The following TMC5 variants were observed in gnomAD, a reference collection of about 807,000 sequenced individuals.
TMC5 encodes transmembrane channel like 5, also known as transmembrane channel-like protein 5.
In TMC5, 86 loss-of-function variants were observed where a neutral mutation model predicts 110.5. The observed-to-expected ratio is 0.78, with a 90% confidence interval of 0.65 to 0.93. The LOEUF (loss-of-function observed/expected upper bound fraction) is 0.93. Ranked by LOEUF, TMC5 falls within the 40% of genes least tolerant of loss-of-function variation. The pLI is 0.00. For missense variants in TMC5, 1,144 were observed against 1,222.8 expected (o/e 0.94, Z 0.96); for synonymous variants, 455 against 439.5 (o/e 1.04, Z -0.44).
upstream of TMC5, among the ~76,000 whole-genome samples, chr16:19,417,208 C>T (rs1047113647): frequency 4.0e-5 from 6 of 151,508 alleles, no homozygotes; most frequent in Non-Finnish European, 8.8e-5. Context: ...CACTTGAGCT[C>T]AGGAGTTCAA....
chr16:19,440,679 C>G lies in TMC5; in HGVS notation c.641C>G (p.Pro214Arg), dbSNP rs865935324. 1 of 1,614,202 alleles carries G rather than the reference C, an allele frequency of 6.2e-7. No individual in the cohort carries two copies. Among genetic ancestry groups the G allele is most frequent in the East Asian group, 2.2e-5 (1 of 44,884 alleles). The change falls in exon 3 of 22, where the codon CCT becomes CGT. Residue 214 changes from proline to arginine, a missense_variant. Pro to Arg is a moderately radical substitution (Grantham distance 103). Transcript: ENST00000542583. ...GATTATCCAGGCGCTGACATTCAAC[C>G]TAACTCTCCACCCTTTTTTGGGGAG... ...KPDYPGADIQPNSPPFFGEPD... is the reference protein window; with the variant it reads ...KPDYPGADIQRNSPPFFGEPD...
intron 9 of TMC5, among the ~76,000 whole-genome samples, chr16:19,466,598 C>A (rs1323882914): frequency 6.6e-6 from 1 of 152,186 alleles, no homozygotes; most frequent in Non-Finnish European, 1.5e-5. Context: ...GTGGTCCACC[C>A]GCCTCGGCCT....
At chr16:19,413,635 A>T (rs754484583), upstream of TMC5, among the ~76,000 whole-genome samples, 22 of 149,722 alleles carry the variant, frequency 1.5e-4, no homozygotes, top group Non-Finnish European at 3.1e-4. Context: ...AGTGGGAGGC[A>T]CTACATCCTT....
At chr16:19,446,921 C>T (rs1967627048) in intron 4 of TMC5, among the ~76,000 whole-genome samples, 2 of 152,114 alleles carry the variant, frequency 1.3e-5, no homozygotes, top group African/African-American at 4.8e-5. Context: ...TTAAGGAGAA[C>T]CTGTATTCAT....
intron 1 of TMC5, among the ~76,000 whole-genome samples, chr16:19,422,445 G>A (rs913465027): frequency 5.9e-5 from 9 of 152,150 alleles, no homozygotes; most frequent in Non-Finnish European, 8.8e-5. Context: ...GACCTGGATT[G>A]CTCGAGAACC....
chr16:19,448,435 T>C (rs895673574), intron 4 of TMC5, among the ~76,000 whole-genome samples: 1 of 151,520 alleles, frequency 6.6e-6, no homozygotes, highest in Non-Finnish European at 1.5e-5. Flanking sequence ...CTGGATAACA[T>C]GGTGAAACCC....
At chr16:19,487,556 G>A (rs771546062) in intron 17 of TMC5, among the ~76,000 whole-genome samples, 1 of 151,994 alleles carries the variant, frequency 6.6e-6, no homozygotes, top group Admixed American at 6.6e-5. Context: ...ACAAAAATTA[G>A]CCAAGTGTGG....
rs1210566899 is a variant in TMC5 at position 19,455,292 on chromosome 16, AC to A, written c.1049-4942del. Among the ~76,000 whole-genome samples the A allele has an allele frequency of 9.9e-5, 15 of 151,826 alleles. 1 individual carries two copies. The Middle Eastern group carries it at 0.014, about 142-fold the overall frequency. Reference sequence around the variant, plus strand: ...GTGAAACCTCGTCTCTACAAAAAATACAAAAATTTGCCAGGCTACTCAGGAG... The same window carrying A: ...GTGAAACCTCGTCTCTACAAAAAATAAAAAATTTGCCAGGCTACTCAGGAG... On this transcript the variant is annotated intron_variant, in intron 5 of 21. Transcript: ENST00000542583.
intron 2 of TMC5, among the ~76,000 whole-genome samples, chr16:19,438,404 A>AAG (rs1967396938): frequency 2.2e-5 from 3 of 136,100 alleles, no homozygotes; most frequent in South Asian, 2.5e-4. Flanking sequence ...AAAAAAAAAA[A>AAG]AAAAGAAGAA....
At chr16:19,424,059 G>A (rs1248719269) in intron 1 of TMC5, among the ~76,000 whole-genome samples, 1 of 152,024 alleles carries the variant, frequency 6.6e-6, no homozygotes, top group African/African-American at 2.4e-5. Context: ...TGCCACCACA[G>A]TTTTATTGAA....
At chr16:19,482,908 C>T (rs1968652467) in intron 15 of TMC5, among the ~76,000 whole-genome samples, 1 of 151,962 alleles carries the variant, frequency 6.6e-6, no homozygotes, top group Admixed American at 6.6e-5. Context: ...GAGACAGAGT[C>T]TTGCTCTGTT....
intron 5 of TMC5, among the ~76,000 whole-genome samples, chr16:19,452,277 A>G (rs1967766525): frequency 6.6e-6 from 1 of 152,330 alleles, no homozygotes; most frequent in Admixed American, 6.5e-5. Context: ...AGGGGAAGGG[A>G]CACAGAGCTT....
intron 5 of TMC5, among the ~76,000 whole-genome samples, chr16:19,458,821 AGTAT>A (rs1967949850): frequency 6.6e-6 from 1 of 152,058 alleles, no homozygotes; most frequent in Admixed American, 6.5e-5. Flanking sequence ...TTACACCTCA[AGTAT>A]GTCATTACGA....
At chr16:19,477,263 A>G (rs1287585214) in intron 12 of TMC5, among the ~76,000 whole-genome samples, 177 bp from the exon 13 acceptor site, 5 of 152,088 alleles carry the variant, frequency 3.3e-5, no homozygotes, top group African/African-American at 4.8e-5. Flanking sequence ...ATAAAAAAAA[A>G]AGAAGTGACA....
rs115400070 is a variant in TMC5, at chr16:19,424,730, G to A, written c.-307-5683G>A. Among the ~76,000 whole-genome samples the A allele has an allele frequency of 3.9e-3, 589 of 152,324 alleles. 3 individuals carry two copies. The highest frequency in any genetic ancestry group is 0.014 in the African/African-American group (563 of 41,572). On this transcript the variant is annotated intron_variant, in intron 1 of 21. Coordinates refer to ENST00000542583, the MANE Select transcript of TMC5 (RefSeq NM_001261841.2). Reference sequence around the variant, plus strand: ...AGGGTAAGTTCCAGAAGAGTCCCAAGTTCAGGAGCTTCTGTCCCAGTGAGT... The same window carrying A: ...AGGGTAAGTTCCAGAAGAGTCCCAAATTCAGGAGCTTCTGTCCCAGTGAGT...
At chr16:19,462,803 C>A (rs922675172) in intron 6 of TMC5, among the ~76,000 whole-genome samples, 1 of 150,598 alleles carries the variant, frequency 6.6e-6, no homozygotes, top group African/African-American at 2.4e-5. Flanking sequence ...GAGGCTGAGG[C>A]AGGAGAATCG....
intron 13 of TMC5, 22 bp from the exon 14 acceptor site, chr16:19,479,409 C>A: frequency 6.3e-7 from 1 of 1,583,084 alleles, no homozygotes; most frequent in Non-Finnish European, 8.7e-7. Context: ...TTCCCACATC[C>A]TGACTCTTGT....
intron 1 of TMC5, among the ~76,000 whole-genome samples, chr16:19,419,131 G>T (rs1370465290): frequency 2.0e-5 from 3 of 152,174 alleles, no homozygotes; most frequent in African/African-American, 7.2e-5. Flanking sequence ...GTGACCTTGA[G>T]TGAGTTACTT....
rs757681433 is a variant in TMC5 at position 19,440,692 on chromosome 16, C to T, written c.654C>T (p.Pro218=). 3.1e-6 allele frequency: 5 copies of T among 1,614,150 alleles called. No homozygotes were observed. The highest frequency in any genetic ancestry group is 3.4e-6 in the Non-Finnish European group (4 of 1,180,032). ...CTGACATTCAACCTAACTCTCCACC[C>T]TTTTTTGGGGAGCCAGACTATCCCA... The part of the protein sequence containing the change: ...PGADIQPNSP[P]FFGEPDYPSA... Residue 218 remains proline, a synonymous_variant, in exon 3 of 22, where the codon CCC becomes CCT. Coordinates refer to ENST00000542583, the MANE Select transcript of TMC5 (RefSeq NM_001261841.2).
Sources: allele counts gnomAD v4.1 joint callset (sites outside exome capture counted in the v4.1 genomes callset), GRCh38; gene constraint gnomAD v4.1.1; transcripts MANE v1.5; gene names NCBI Gene and HGNC (gene_info 2026-07-23, HGNC 2026-07-21).